The following ASTN2 variants were observed in gnomAD, a reference collection of about 807,000 sequenced individuals.
The protein encoded by ASTN2 is astrotactin-2.
In ASTN2, 54 loss-of-function variants were observed where a neutral mutation model predicts 139.8. That is an observed-to-expected ratio of 0.39 (90% confidence interval 0.31 to 0.48). ASTN2 has a LOEUF of 0.48. Ranked by LOEUF, ASTN2 falls within the 20% of genes least tolerant of loss-of-function variation. The pLI is 0.95. For synonymous variants in ASTN2, 756 were observed against 719.5 expected (o/e 1.05, Z -0.81); for missense variants, 1,565 against 1,725.1 (o/e 0.91, Z 1.64).
chr9:117,405,093 A>C (rs904495343), intron 1 of ASTN2, among the ~76,000 whole-genome samples: 8 of 152,214 alleles, frequency 5.3e-5, no homozygotes, highest in African/African-American at 1.9e-4. Context: ...GGCAGCACAG[A>C]ACAAGGTGCT....
chr9:117,325,934 G>A (rs1335144014), intron 1 of ASTN2, among the ~76,000 whole-genome samples: 2 of 152,152 alleles, frequency 1.3e-5, no homozygotes, highest in Non-Finnish European at 2.9e-5. Flanking sequence ...AACAGCCATA[G>A]TACATGCCTG....
At chr9:117,182,267 C>G (rs918278934) in intron 3 of ASTN2, among the ~76,000 whole-genome samples, 1 of 151,924 alleles carries the variant, frequency 6.6e-6, no homozygotes, top group Non-Finnish European at 1.5e-5. Context: ...TCACCCAAGT[C>G]CCAGGCATTT....
intron 7 of ASTN2, among the ~76,000 whole-genome samples, chr9:116,981,946 T>C (rs1277133037): frequency 6.6e-6 from 1 of 152,242 alleles, no homozygotes; most frequent in East Asian, 1.9e-4. Context: ...ATGAGTTGTG[T>C]TGGTTTTAAA....
chr9:117,121,601 C>G (rs1335511046), intron 4 of ASTN2, among the ~76,000 whole-genome samples: 1 of 152,206 alleles, frequency 6.6e-6, no homozygotes, highest in Non-Finnish European at 1.5e-5. Context: ...AGCAGTTAGG[C>G]TGTGATGCAA....
At chr9:116,932,816 G>A (rs1008259294) in intron 10 of ASTN2, among the ~76,000 whole-genome samples, 10 of 151,890 alleles carry the variant, frequency 6.6e-5, no homozygotes, top group Non-Finnish European at 1.5e-4. Context: ...GACCATCCTG[G>A]CCAACATGGC....
intron 3 of ASTN2, among the ~76,000 whole-genome samples, chr9:117,147,859 A>G (rs1023564275): frequency 3.9e-5 from 6 of 152,108 alleles, no homozygotes; most frequent in Admixed American, 2.0e-4. Context: ...GCTGCACTCT[A>G]TAAGTACTCC....
At chr9:116,821,770 A>G (rs1040130583) in intron 11 of ASTN2, among the ~76,000 whole-genome samples, 2 of 152,048 alleles carry the variant, frequency 1.3e-5, no homozygotes, top group African/African-American at 4.8e-5. Context: ...TCAACCTTCA[A>G]TGGCCTCAGC....
intron 1 of ASTN2, among the ~76,000 whole-genome samples, chr9:117,376,424 A>G (rs1387905337): frequency 6.6e-6 from 1 of 152,220 alleles, no homozygotes; most frequent in Admixed American, 6.5e-5. Context: ...CCAATTCAAA[A>G]TGAATAATCC....
At chr9:117,236,992 C>T (rs1004952522) in intron 2 of ASTN2, among the ~76,000 whole-genome samples, 5 of 152,282 alleles carry the variant, frequency 3.3e-5, no homozygotes, top group South Asian at 4.1e-4. Flanking sequence ...TAGTCCAGGT[C>T]CAATTGCCAG....
At chr9:116,490,303 A>AAAAAAAAAAAAAAAAAAAAAAAT in intron 19 of ASTN2, among the ~76,000 whole-genome samples, 1 of 104,578 alleles carries the variant, frequency 9.6e-6, no homozygotes, top group South Asian at 3.5e-4. Flanking sequence ...AAAAAAAAAA[A>AAAAAAAAAAAAAAAAAAAAAAAT]GGGGGCATTG....
At chr9:116,676,139 C>T (rs1035206138) in intron 16 of ASTN2, among the ~76,000 whole-genome samples, 4 of 152,122 alleles carry the variant, frequency 2.6e-5, no homozygotes, top group East Asian at 3.9e-4. Flanking sequence ...CACGAGAAGC[C>T]GCTCCGTTCT....
At chr9:117,120,731 C>A (rs1829537522) in intron 4 of ASTN2, among the ~76,000 whole-genome samples, 2 of 152,138 alleles carry the variant, frequency 1.3e-5, no homozygotes, top group Admixed American at 6.5e-5. Flanking sequence ...ATGGGGAAGG[C>A]AAGTGGAGAC....
intron 10 of ASTN2, among the ~76,000 whole-genome samples, chr9:116,894,174 A>G (rs4836900): frequency 0.98 from 149,358 of 152,308 alleles, 73,296 homozygotes; most frequent in Non-Finnish European, 1. Context: ...TTCCTAGATC[A>G]AAAACATGTG....
chr9:116,699,625 G>T lies in ASTN2; in HGVS notation c.2806+26146C>A, dbSNP rs776734216. The stretch of plus-strand genomic sequence containing the variant: ...GTGGGCATAGCCCTAACTCCTAAGG[G>T]GCAGCTGCTGGTCTTGGACTGTTGG... On this transcript the variant is annotated intron_variant, in intron 16 of 22. Transcript: ENST00000313400. The surrounding 1 kb of genome is among the most constrained non-coding windows in gnomAD (Gnocchi z 4.2). The T allele has an allele frequency of 6.2e-7, 1 of 1,614,174 alleles. No individual in the cohort carries two copies. The highest frequency in any genetic ancestry group is 8.5e-7 in the Non-Finnish European group (1 of 1,180,026).
At chr9:117,153,698 G>A (rs1049676362) in intron 3 of ASTN2, among the ~76,000 whole-genome samples, 3 of 152,026 alleles carry the variant, frequency 2.0e-5, no homozygotes, top group African/African-American at 7.2e-5. Flanking sequence ...GAAATAAATG[G>A]TCCTCCTCAC....
chr9:116,652,716 G>A (rs1299738198), intron 16 of ASTN2, among the ~76,000 whole-genome samples: 1 of 152,176 alleles, frequency 6.6e-6, no homozygotes, highest in African/African-American at 2.4e-5. Context: ...GAGAAAGGAG[G>A]AGGTAGGACT....
At chr9:116,931,761 C>T (rs769330174) in intron 10 of ASTN2, among the ~76,000 whole-genome samples, 4 of 152,106 alleles carry the variant, frequency 2.6e-5, no homozygotes, top group Non-Finnish European at 5.9e-5. Context: ...CTAAGACATA[C>T]AAATATCACA....
intron 1 of ASTN2, among the ~76,000 whole-genome samples, chr9:117,341,446 A>T (rs555267491): frequency 6.6e-6 from 1 of 152,284 alleles, no homozygotes; most frequent in African/African-American, 2.4e-5. Flanking sequence ...GGAGGTTAAG[A>T]AAACAAAAAG....
At chr9:116,473,485 T>C (rs1329833747) in intron 20 of ASTN2, among the ~76,000 whole-genome samples, 1 of 152,174 alleles carries the variant, frequency 6.6e-6, no homozygotes, top group Non-Finnish European at 1.5e-5. Context: ...CCAGATCCCA[T>C]GTCCAAAGGG....
Sources: allele counts gnomAD v4.1 joint callset (sites outside exome capture counted in the v4.1 genomes callset), GRCh38; gene constraint gnomAD v4.1.1; non-coding constraint Gnocchi (gnomAD v3.1); transcripts MANE v1.5; gene names NCBI Gene and HGNC (gene_info 2026-07-23, HGNC 2026-07-21).